Variants in TBCD observed in about 807,000 individuals in gnomAD.
TBCD encodes tubulin-specific chaperone D.
A neutral mutation model predicts 169.3 loss-of-function variants in TBCD; 105 were observed. That is an observed-to-expected ratio of 0.62 (90% CI 0.53 to 0.73). The LOEUF (loss-of-function observed/expected upper bound fraction) is 0.73, where lower values mean the gene tolerates loss of function less well. Among genes scored for constraint, TBCD ranks in the 30% least tolerant of loss-of-function variants. TBCD has a pLI of 0.00. For synonymous variants in TBCD, 700 were observed against 643.9 expected (o/e 1.09, Z -1.32); for missense variants, 1,444 against 1,600.1 (o/e 0.90, Z 1.66).
At chr17:82,809,498 G>A (rs974642122) in intron 11 of TBCD, among the ~76,000 whole-genome samples, 11 of 152,122 alleles carry the variant, frequency 7.2e-5, no homozygotes, top group South Asian at 4.1e-4. Context: ...GTGCTCACTC[G>A]TCCCCTTTGA....
At chr17:82,919,685 A>G (rs2061297955) in intron 23 of TBCD, among the ~76,000 whole-genome samples, 1 of 152,118 alleles carries the variant, frequency 6.6e-6, no homozygotes, top group African/African-American at 2.4e-5. Flanking sequence ...TGCGGTTGGC[A>G]CTGAAGAATC....
Position 82,907,798 on chromosome 17 carries a change from G to A in TBCD, c.1960G>A (p.Gly654Ser). The change falls in exon 21 of 39, where the codon GGC (glycine) becomes AGC (serine). Residue 654 changes from glycine (G) to serine (S), a missense_variant. Transcript: ENST00000355528. Reference protein sequence around the residue: ...TDHLDEQAVQGLKQIHQQLYD... With the variant: ...TDHLDEQAVQSLKQIHQQLYD... The stretch of plus-strand genomic sequence containing the variant: ...CCATCTGGACGAGCAGGCAGTGCAG[G>A]GCCTGAAGCAGATTCACCAGCAGGT... 6.2e-7 allele frequency: 1 copy of A among 1,613,680 alleles called. No homozygotes were observed. Among genetic ancestry groups the A allele is most frequent in the Non-Finnish European group, 8.5e-7 (1 of 1,179,780 alleles).
intron 13 of TBCD, among the ~76,000 whole-genome samples, chr17:82,841,416 C>T (rs777681664): frequency 3.3e-5 from 5 of 151,100 alleles, no homozygotes; most frequent in East Asian, 2.0e-4. Flanking sequence ...CTCCTGGACT[C>T]GAGTGATCCT....
intron 5 of TBCD, 146 bp from the exon 6 acceptor site, chr17:82,772,306 G>T (rs887803742): frequency 2.6e-6 from 2 of 759,940 alleles, no homozygotes; most frequent in Non-Finnish European, 4.5e-6. Context: ...GTTTTTTTTT[G>T]CAGCTTTGGA....
chr17:82,799,981 GGCAGAGCTTCCT>G (rs2050387004), intron 8 of TBCD, among the ~76,000 whole-genome samples: 2 of 152,156 alleles, frequency 1.3e-5, no homozygotes, highest in African/African-American at 4.8e-5. Flanking sequence ...CCAGCCTCAA[GGCAGAGCTTCCT>G]GCAGGGCACT....
intron 19 of TBCD, among the ~76,000 whole-genome samples, chr17:82,904,713 T>C (rs1274958075): frequency 6.6e-6 from 1 of 152,204 alleles, no homozygotes; most frequent in Non-Finnish European, 1.5e-5. Flanking sequence ...GTGGAGTTAC[T>C]GATGTGACGC....
chr17:82,768,332 C>A, intron 4 of TBCD, 88 bp from the exon 5 acceptor site: 1 of 1,498,868 alleles, frequency 6.7e-7, no homozygotes, highest in Non-Finnish European at 9.2e-7. Context: ...ATTGGGTGGG[C>A]ATGGAGGGCA....
rs759467452 is a variant in TBCD, at chr17:82,889,670, C to G, written c.1536C>G (p.Ala512=). The part of the protein sequence containing the change: ...RDINCRRAAS[A]AFQENVGRQG... ...TGTGTTTGTTCTTTGCTCCGCAGGC[C>G]GCCTTCCAGGAGAATGTGGGGAGAC... The change falls in exon 16 of 39, where the codon GCC becomes GCG. Residue 512 remains alanine (A), a splice_region_variant and synonymous_variant. Transcript: ENST00000355528. The surrounding 1 kb of genome is among the most constrained non-coding windows in gnomAD (Gnocchi z 5.3). The G allele has an allele frequency of 4.3e-6, 7 of 1,613,718 alleles. No homozygotes were observed. Among genetic ancestry groups the G allele is most frequent in the Non-Finnish European group, 5.9e-6 (7 of 1,179,848 alleles).
intron 6 of TBCD, among the ~76,000 whole-genome samples, chr17:82,780,581 C>T (rs372243467): frequency 1.1e-3 from 168 of 150,816 alleles, no homozygotes; most frequent in African/African-American, 3.5e-3. Flanking sequence ...GTCAAGATCA[C>T]ACCACTGCAT....
Position 82,884,317 on chromosome 17 carries a change from G to T in TBCD, c.1533+115G>T. On this transcript the variant is annotated intron_variant, in intron 15 of 38. Transcript: ENST00000355528. This position sits in a 1 kb window ranked among gnomAD's most constrained non-coding sequence, Gnocchi z 4.2. ...AGCTCACCCATCCACAGCAGGAGCC[G>T]CGAGGGAGCTGCTGAGAGTGCCAGC... 1 of 975,434 alleles carries T rather than the reference G, an allele frequency of 1.0e-6. No individual in the cohort carries two copies. The highest frequency in any genetic ancestry group is 1.6e-6 in the Non-Finnish European group (1 of 633,548). The allele number at this position is 975,434 out of a possible 1,614,324, so 60.4% of individuals were successfully genotyped here.
chr17:82,934,257 C>T (rs756660790), intron 34 of TBCD, among the ~76,000 whole-genome samples: 9 of 152,194 alleles, frequency 5.9e-5, no homozygotes, highest in African/African-American at 1.7e-4. Context: ...CCTTAACCTT[C>T]GGGCGGGAGG....
At chr17:82,877,334 A>T (rs904259160) in intron 14 of TBCD, among the ~76,000 whole-genome samples, 4 of 152,222 alleles carry the variant, frequency 2.6e-5, no homozygotes, top group Non-Finnish European at 4.4e-5. Flanking sequence ...GTTGTTAAAA[A>T]TAGCAGTTAT....
chr17:82,830,375 T>G, intron 13 of TBCD: 1 of 1,612,976 alleles, frequency 6.2e-7, no homozygotes, highest in Non-Finnish European at 8.5e-7. Flanking sequence ...CGGATGTTCC[T>G]GGGGCTGTAG....
intron 13 of TBCD, among the ~76,000 whole-genome samples, chr17:82,867,964 G>T (rs1248064938): frequency 1.3e-5 from 2 of 152,180 alleles, no homozygotes; most frequent in African/African-American, 4.8e-5. Context: ...GAGGTGCTTT[G>T]CGGGAGGGAG....
At chr17:82,821,347 T>TTAAAGCTGTTGATTTAAAGTC (rs11274762) in intron 13 of TBCD, among the ~76,000 whole-genome samples, 88,496 of 152,060 alleles carry the variant, frequency 0.58, 25,994 homozygotes, top group African/African-American at 0.65. Flanking sequence ...GTGAGCATAT[T>TTAAAGCTGTTGATTTAAAGTC]TTTGTCTAAG....
At chr17:82,775,707 C>G (rs1449464426) in intron 6 of TBCD, among the ~76,000 whole-genome samples, 3 of 126,550 alleles carry the variant, frequency 2.4e-5, no homozygotes, top group Non-Finnish European at 1.5e-5. Flanking sequence ...TAGAAACCCA[C>G]AGGAAGGGGA....
At position 82,939,483 on chromosome 17, in the gene TBCD, G is replaced by T; in HGVS notation, c.3479+7G>T. 1.2e-6 allele frequency: 2 copies of T among 1,610,388 alleles called. No homozygotes were observed. Among genetic ancestry groups the T allele is most frequent in the East Asian group, 4.5e-5 (2 of 44,814 alleles). On this transcript the variant is annotated splice_region_variant and intron_variant, in intron 37 of 38. Transcript: ENST00000355528. ...TGCTCAGTGACACTGCGTGGTGAGTGAAGGCCCTTCCTGCACGGCCACCTG... is the reference window on the plus strand; with the variant it reads ...TGCTCAGTGACACTGCGTGGTGAGTTAAGGCCCTTCCTGCACGGCCACCTG...
chr17:82,786,821 CTTTTT>C (rs71168154), intron 7 of TBCD, among the ~76,000 whole-genome samples: 5 of 110,148 alleles, frequency 4.5e-5, no homozygotes, highest in African/African-American at 1.7e-4. Context: ...CGGTTCTTTA[CTTTTT>C]TTTTTTTTTT....
Position 82,832,413 on chromosome 17 carries a change from G to A in TBCD, c.1318+17479G>A. 1 of 1,614,002 alleles carries A rather than the reference G, an allele frequency of 6.2e-7. No homozygotes were observed. The highest frequency in any genetic ancestry group is 1.3e-5 in the African/African-American group (1 of 75,064). ...AGGGCTTTCCTGGAGGCCTGGGGAT[G>A]TAATGTGGCTTTTTTGGCTTCCGCT... is the stretch of plus-strand genomic sequence containing the variant. On this transcript the variant is annotated intron_variant, in intron 13 of 38. Coordinates refer to ENST00000355528, the MANE Select transcript of TBCD (RefSeq NM_005993.5). This position sits in a 1 kb window ranked among gnomAD's most constrained non-coding sequence, Gnocchi z 4.9.
Sources: gnomAD v4.1 joint callset for allele counts (sites outside exome capture counted in the v4.1 genomes callset) on GRCh38, gnomAD v4.1.1 for gene constraint, Gnocchi (gnomAD v3.1) non-coding constraint, MANE v1.5 for transcripts, NCBI Gene and HGNC (gene_info 2026-07-23, HGNC 2026-07-21) for gene names.